RUFY1: variants seen among roughly 807,000 people sequenced by gnomAD.
RUFY1 encodes RUN and FYVE domain containing 1.
In RUFY1, 54 loss-of-function variants were observed where a neutral mutation model predicts 94.6. The observed-to-expected ratio is 0.57, with a 90% CI of 0.46 to 0.72. The LOEUF (loss-of-function observed/expected upper bound fraction) is 0.72, where lower values mean the gene tolerates loss of function less well. RUFY1 is among the 30% of genes least tolerant of loss of function. The probability of loss-of-function intolerance (pLI) is 0.00; values close to 1 mark genes in which losing one functional copy is unlikely to be tolerated. For synonymous variants in RUFY1, 396 were observed against 347.3 expected (o/e 1.14, Z -1.56); for missense variants, 883 against 883.9 (o/e 1.00, Z 0.01).
At chr5:179,566,816 G>A (rs1043301091) in intron 3 of RUFY1, among the ~76,000 whole-genome samples, 3 of 152,088 alleles carry the variant, frequency 2.0e-5, no homozygotes, top group Non-Finnish European at 2.9e-5. Flanking sequence ...AGCACTTTGC[G>A]AGGCCAAGGC....
Position 179,591,746 on chromosome 5 carries a change from G to C in RUFY1, c.1245+5G>C. The C allele has an allele frequency of 6.5e-7, 1 of 1,543,684 alleles. No individual in the cohort carries two copies. Among genetic ancestry groups the C allele is most frequent in the African/African-American group, 1.4e-5 (1 of 73,332 alleles). ...GAGGAGAAGAAAGTCCGGTTGGTGAGTGTGCAAGACCGAGTGTCTTTAGAA... is the reference window on the plus strand; with the variant it reads ...GAGGAGAAGAAAGTCCGGTTGGTGACTGTGCAAGACCGAGTGTCTTTAGAA... On this transcript the variant is annotated splice_donor_5th_base_variant and intron_variant, in intron 10 of 17. Transcript: ENST00000319449.
chr5:179,567,245 A>G (rs1478758105), intron 3 of RUFY1, among the ~76,000 whole-genome samples: 3 of 152,118 alleles, frequency 2.0e-5, no homozygotes, highest in Non-Finnish European at 4.4e-5. Flanking sequence ...GCATTATCTA[A>G]TTGTATTTGT....
intron 14 of RUFY1, chr5:179,600,010 G>A (rs575086167): frequency 6.6e-6 from 1 of 152,376 alleles, no homozygotes; most frequent in Non-Finnish European, 1.5e-5. Context: ...TTGGAGAGTG[G>A]AAGGGAGGAA....
intron 8 of RUFY1, 199 bp from the exon 9 acceptor site, chr5:179,589,347 C>A (rs537050537): frequency 7.6e-6 from 4 of 526,178 alleles, no homozygotes; most frequent in Non-Finnish European, 1.4e-5. Flanking sequence ...GGGGCAAGGG[C>A]GGAGGAGAGA....
chr5:179,564,506 GCTCCAC>G (rs1762684250), intron 3 of RUFY1, among the ~76,000 whole-genome samples: 1 of 147,706 alleles, frequency 6.8e-6, no homozygotes. Context: ...CTCACTGTAA[GCTCCAC>G]CTCCCAGGCT....
rs184713474 is a variant in RUFY1 at position 179,602,744 on chromosome 5, C to T, written c.1856+758C>T. The T allele has an allele frequency of 1.7e-3, 253 of 152,438 alleles. 1 individual carries two copies. Among genetic ancestry groups the T allele is most frequent in the Middle Eastern group, 6.8e-3 (2 of 294 alleles). 9.4% of individuals were successfully genotyped at this position (152,438 alleles called of 1,614,324 possible). A position where few individuals can be genotyped will look rare whatever the true frequency, so the allele number is the denominator to read the frequency against. ...GGTCTCTGTCTCCTACCTCTGCTAT[C>T]CTGTCTGCCTCACAGGTGGGTCTGG... On this transcript the variant is annotated intron_variant, in intron 15 of 17. Coordinates refer to ENST00000319449, the MANE Select transcript of RUFY1 (RefSeq NM_025158.5).
At chr5:179,560,933 G>C (rs1762408925) in intron 2 of RUFY1, among the ~76,000 whole-genome samples, 1 of 152,090 alleles carries the variant, frequency 6.6e-6, no homozygotes, top group African/African-American at 2.4e-5. Context: ...TATTAGGCCA[G>C]GCGCGGTGGC....
In RUFY1 at chr5:179,598,780, C is replaced by T; in HGVS notation, c.1720C>T (p.Leu574=). 1 of 1,614,208 alleles carries T rather than the reference C, an allele frequency of 6.2e-7. No individual in the cohort carries two copies. Among genetic ancestry groups the T allele is most frequent in the Non-Finnish European group, 8.5e-7 (1 of 1,180,034 alleles). Residue 574 remains leucine (L), a synonymous_variant, in exon 14 of 18, where the codon CTA becomes TTA. Transcript: ENST00000319449. ...ELQHEKDTSS[L]LRMELQQVEG... ...ACAGCACGAGAAAGACACTTCCTCT[C>T]TACTCAGGATGGAGCTGCAACAAGT...
intron 9 of RUFY1, among the ~76,000 whole-genome samples, 195 bp from the exon 10 acceptor site, chr5:179,591,430 C>T (rs548063928): frequency 2.6e-5 from 4 of 152,062 alleles, no homozygotes; most frequent in African/African-American, 9.7e-5. Flanking sequence ...GTGATCCGCC[C>T]GCCTCGGCCT....
intron 6 of RUFY1, among the ~76,000 whole-genome samples, chr5:179,579,658 T>TTC (rs1554118794): frequency 6.8e-4 from 25 of 36,570 alleles, no homozygotes; most frequent in African/African-American, 2.5e-3. Context: ...TTTCTTCTTC[T>TTC]TTTTTTTTTT....
intron 7 of RUFY1, among the ~76,000 whole-genome samples, chr5:179,582,830 C>T (rs1000760466): frequency 2.0e-5 from 3 of 151,586 alleles, no homozygotes; most frequent in Admixed American, 6.6e-5. Flanking sequence ...GCAACAAGAG[C>T]GAAACTCCAT....
At chr5:179,596,217 A>G (rs1033739271) in intron 12 of RUFY1, 10 of 355,452 alleles carry the variant, frequency 2.8e-5, no homozygotes, top group African/African-American at 2.0e-4. Flanking sequence ...GGCATGAACC[A>G]TTGATACACA....
At chr5:179,564,671 C>T (rs941009945) in intron 3 of RUFY1, among the ~76,000 whole-genome samples, 6 of 101,876 alleles carry the variant, frequency 5.9e-5, no homozygotes, top group African/African-American at 2.1e-4. Flanking sequence ...GAGACTCCAT[C>T]TCAAAAAAAA....
At chr5:179,551,027 CT>C in intron 1 of RUFY1, 148 bp downstream of exon 1, 1 of 699,448 alleles carries the variant, frequency 1.4e-6, no homozygotes, top group Non-Finnish European at 1.8e-6. Flanking sequence ...CTGGCTGCGC[CT>C]GGGTCTTTAC....
At chr5:179,552,509 G>A (rs915907328) in intron 1 of RUFY1, among the ~76,000 whole-genome samples, 3 of 152,200 alleles carry the variant, frequency 2.0e-5, no homozygotes, top group African/African-American at 7.2e-5. Context: ...GTGGAAAATA[G>A]CATTAGAGGA....
chr5:179,607,371 G>C, intron 16 of RUFY1: 1 of 577,882 alleles, frequency 1.7e-6, no homozygotes. Context: ...CCAAGAGGTG[G>C]AGCACGGAGC....
chr5:179,592,548 G>C (rs1157805852), intron 10 of RUFY1, among the ~76,000 whole-genome samples: 1 of 152,136 alleles, frequency 6.6e-6, no homozygotes, highest in Non-Finnish European at 1.5e-5. Flanking sequence ...CACTGCGCCT[G>C]GCCATTTTAT....
chr5:179,589,577 T>C lies in RUFY1; in HGVS notation c.1058T>C (p.Leu353Pro). 1 of 1,614,176 alleles carries C rather than the reference T, an allele frequency of 6.2e-7. No homozygotes were observed. Among genetic ancestry groups the C allele is most frequent in the Non-Finnish European group, 8.5e-7 (1 of 1,180,016 alleles). ...LSAATDRICS[L>P]QEEQQQLREQ... ...GCTGCAACAGACCGAATTTGCTCAC[T>C]TCAAGAAGAACAGCAGCAGTTAAGA... The change falls in exon 9 of 18, where the codon CTT becomes CCT. Residue 353 changes from leucine (L) to proline (P), a missense_variant. Transcript: ENST00000319449.
chr5:179,608,660 G>A lies in RUFY1; in HGVS notation c.1984-716G>A, dbSNP rs926800975. The A allele has an allele frequency of 2.2e-5, 22 of 984,274 alleles. No individual in the cohort carries two copies. In the African/African-American group the frequency reaches 3.7e-4, roughly 16 times the overall value. 61.0% of individuals were successfully genotyped at this position (984,274 alleles called of 1,614,324 possible). The stretch of plus-strand genomic sequence containing the variant: ...AAACACCCTTAGGCCGGGCACGGTG[G>A]CTCATGACTGTAATCCTAGCACTTT... On this transcript the variant is annotated intron_variant, in intron 17 of 17. Coordinates refer to ENST00000319449, the MANE Select transcript of RUFY1 (RefSeq NM_025158.5).
Sources: gnomAD v4.1 joint callset for allele counts (sites outside exome capture counted in the v4.1 genomes callset) on GRCh38, gnomAD v4.1.1 for gene constraint, MANE v1.5 for transcripts, NCBI Gene and HGNC (gene_info 2026-07-23, HGNC 2026-07-21) for gene names.